Variants in CNTN5 observed in about 807,000 individuals in gnomAD.
CNTN5 encodes contactin 5.
A neutral mutation model predicts 129.1 loss-of-function variants in CNTN5; 77 were observed. That is an observed-to-expected ratio of 0.60 (90% CI 0.50 to 0.72). The LOEUF is 0.72. Ranked by LOEUF, CNTN5 falls within the 30% of genes least tolerant of loss-of-function variation. The probability of loss-of-function intolerance (pLI) is 0.00; values close to 1 mark genes in which losing one functional copy is unlikely to be tolerated. For missense variants in CNTN5, 1,478 were observed against 1,328.8 expected (o/e 1.11, Z -1.75); for synonymous variants, 509 against 465.6 (o/e 1.09, Z -1.20).
chr11:99,448,560 A>C (rs1944164184), intron 2 of CNTN5, among the ~76,000 whole-genome samples: 1 of 151,794 alleles, frequency 6.6e-6, no homozygotes, highest in African/African-American at 2.4e-5. Context: ...GTAAAACTGC[A>C]ATTTTTTGTG....
chr11:99,577,973 C>T (rs930781484), intron 3 of CNTN5, among the ~76,000 whole-genome samples: 26 of 121,178 alleles, frequency 2.1e-4, no homozygotes, highest in African/African-American at 5.3e-4. Context: ...TGCTATCCCT[C>T]CCCCCTCCCC....
chr11:100,129,389 A>C (rs2138200851), intron 13 of CNTN5, among the ~76,000 whole-genome samples: 1 of 152,218 alleles, frequency 6.6e-6, no homozygotes. Context: ...CATAAGAGTT[A>C]TTTGCCATTC....
chr11:99,901,879 G>C (rs1360259501), intron 6 of CNTN5, among the ~76,000 whole-genome samples: 1 of 152,172 alleles, frequency 6.6e-6, no homozygotes. Context: ...TAAGGGTTCA[G>C]TGTAAGTTAA....
intron 1 of CNTN5, among the ~76,000 whole-genome samples, chr11:99,232,387 G>A (rs527605742): frequency 6.6e-6 from 1 of 152,054 alleles, no homozygotes; most frequent in South Asian, 2.1e-4. Context: ...AGCTGTATTA[G>A]TAGGTATTTT....
At chr11:100,108,652 C>T (rs1945538991) in intron 13 of CNTN5, among the ~76,000 whole-genome samples, 1 of 151,960 alleles carries the variant, frequency 6.6e-6, no homozygotes, top group African/African-American at 2.4e-5. Flanking sequence ...TCATACATGC[C>T]CTCATTGATG....
intron 13 of CNTN5, among the ~76,000 whole-genome samples, chr11:100,105,068 G>A (rs761128569): frequency 2.6e-5 from 4 of 152,230 alleles, no homozygotes; most frequent in East Asian, 3.9e-4. Flanking sequence ...CCTCCGCATC[G>A]CAATTGGAAA....
At chr11:99,610,981 AAACTGCTT>A (rs1950576837) in intron 3 of CNTN5, among the ~76,000 whole-genome samples, 1 of 152,200 alleles carries the variant, frequency 6.6e-6, no homozygotes, top group South Asian at 2.1e-4. Flanking sequence ...CAAATCATTG[AAACTGCTT>A]ACTAATGTAG....
intron 3 of CNTN5, among the ~76,000 whole-genome samples, chr11:99,751,384 G>C (rs1466333293): frequency 6.6e-6 from 1 of 151,842 alleles, no homozygotes. Context: ...GGCTTACATG[G>C]GACAAGATTA....
At chr11:99,471,081 C>T (rs1236783404) in intron 2 of CNTN5, among the ~76,000 whole-genome samples, 1 of 151,872 alleles carries the variant, frequency 6.6e-6, no homozygotes, top group South Asian at 2.1e-4. Flanking sequence ...GCACCTAGTC[C>T]CATTTCACAA....
intron 2 of CNTN5, among the ~76,000 whole-genome samples, chr11:99,376,046 C>A (rs182396206): frequency 6.6e-6 from 1 of 151,876 alleles, no homozygotes; most frequent in East Asian, 1.9e-4. Flanking sequence ...ATCAAAAGCA[C>A]CAAAAAACTT....
rs369598690 is a variant in CNTN5 at position 99,827,027 on chromosome 11, A to G, written c.277+7262A>G. On this transcript the variant is annotated intron_variant, in intron 4 of 24. Transcript: ENST00000524871. ...CTGTATTCTACTAGAGTCTCTCCAC[A>G]TAGATATATTTGGTCAGAGCAGCTG... is the stretch of plus-strand genomic sequence containing the variant. 1.4e-4 allele frequency among the ~76,000 whole-genome samples: 21 copies of G among 152,274 alleles called. No individual in the cohort carries two copies. In the East Asian group the frequency reaches 3.5e-3, roughly 25 times the overall value.
intron 3 of CNTN5, among the ~76,000 whole-genome samples, chr11:99,561,934 T>A (rs988565231): frequency 6.6e-6 from 1 of 152,206 alleles, no homozygotes; most frequent in Non-Finnish European, 1.5e-5. Flanking sequence ...AGAATATAAC[T>A]GCTGGAGATC....
chr11:99,293,873 A>T (rs543837649), intron 1 of CNTN5, among the ~76,000 whole-genome samples: 14 of 151,828 alleles, frequency 9.2e-5, no homozygotes, highest in African/African-American at 3.1e-4. Context: ...CTTTTTATTC[A>T]TTGATCTTTT....
At chr11:99,378,736 G>A (rs1043963870) in intron 2 of CNTN5, among the ~76,000 whole-genome samples, 14 of 151,886 alleles carry the variant, frequency 9.2e-5, no homozygotes, top group Non-Finnish European at 1.5e-4. Flanking sequence ...AAAATCACTA[G>A]GCTAGGTTTA....
chr11:99,366,561 A>T (rs1390361558), intron 2 of CNTN5, among the ~76,000 whole-genome samples: 2 of 152,152 alleles, frequency 1.3e-5, no homozygotes, highest in Non-Finnish European at 2.9e-5. Flanking sequence ...TTTAAAGAAG[A>T]TTAATAGTTA....
intron 3 of CNTN5, among the ~76,000 whole-genome samples, chr11:99,712,838 A>G (rs189457668): frequency 6.7e-4 from 101 of 151,874 alleles, no homozygotes; most frequent in Middle Eastern, 3.4e-3. Flanking sequence ...ATCGGTCTAT[A>G]TATCTGTTGT....
At chr11:99,540,350 A>T (rs1948057322) in intron 2 of CNTN5, among the ~76,000 whole-genome samples, 1 of 152,236 alleles carries the variant, frequency 6.6e-6, no homozygotes, top group African/African-American at 2.4e-5. Flanking sequence ...AAGATAAATA[A>T]ATTAAATGTG....
At chr11:99,699,247 G>A (rs1045117598) in intron 3 of CNTN5, among the ~76,000 whole-genome samples, 1 of 151,066 alleles carries the variant, frequency 6.6e-6, no homozygotes, top group African/African-American at 2.4e-5. Flanking sequence ...TTAAATTTGA[G>A]GTAAAATTCA....
At chr11:99,953,360 C>A (rs1471258136) in intron 7 of CNTN5, among the ~76,000 whole-genome samples, 1 of 152,134 alleles carries the variant, frequency 6.6e-6, no homozygotes, top group Non-Finnish European at 1.5e-5. Flanking sequence ...ATTTGAATCC[C>A]TAAAATCTGG....
Sources: gnomAD v4.1 joint callset for allele counts (sites outside exome capture counted in the v4.1 genomes callset) on GRCh38, gnomAD v4.1.1 for gene constraint, MANE v1.5 for transcripts, NCBI Gene and HGNC (gene_info 2026-07-23, HGNC 2026-07-21) for gene names.